The following C6orf132 variants were observed in gnomAD, a reference collection of about 807,000 sequenced individuals.
C6orf132 encodes the protein chromosome 6 open reading frame 132, also known as uncharacterized protein C6orf132.
In C6orf132, 43 loss-of-function variants were observed where a neutral mutation model predicts 65.3. The ratio of observed to expected loss-of-function variants is 0.66; its 90% CI spans 0.52 to 0.85. C6orf132 has a LOEUF of 0.85. Among genes scored for constraint, C6orf132 ranks in the 40% least tolerant of loss-of-function variants. The pLI is 0.00. For missense variants in C6orf132, 1,488 were observed against 1,548.8 expected, an observed-to-expected ratio of 0.96 and a Z score of 0.66; for synonymous variants, 631 against 654.1, an observed-to-expected ratio of 0.96 and a Z score of 0.54.
At position 42,142,433 on chromosome 6, in the gene C6orf132, C is replaced by G. The variant is rs9688934; in HGVS notation, c.12G>C (p.Lys4Asn). Residue 4 changes from lysine to asparagine, a missense_variant, in exon 1 of 5, where the codon AAG (lysine) becomes AAC (asparagine). Physicochemically the swap from Lys to Asn is moderately conservative, Grantham distance 94. Transcript: ENST00000341865. MKK[K>N]QTVQGTFSKL... ...TGCTGAAGGTGCCCTGCACCGTCTG[C>G]TTCTTTTTCATGCTGCCGCAGCCCG... The G allele has an allele frequency of 0.095, 146,325 of 1,543,700 alleles. 8,668 individuals are homozygous for G. The highest frequency in any genetic ancestry group is 0.27 in the African/African-American group (19,537 of 72,970).
intron 1 of C6orf132, among the ~76,000 whole-genome samples, chr6:42,138,883 T>A (rs1338337681): frequency 6.7e-5 from 2 of 29,760 alleles, no homozygotes; most frequent in Non-Finnish European, 9.1e-5. Context: ...ACACACACAC[T>A]CGTGTGGCCT....
At chr6:42,136,165 A>G (rs1766938875) in intron 1 of C6orf132, among the ~76,000 whole-genome samples, 2 of 150,018 alleles carry the variant, frequency 1.3e-5, no homozygotes, top group Non-Finnish European at 3.0e-5. Context: ...GCCATCCAAA[A>G]AAAAAAAAAA....
intron 2 of C6orf132, among the ~76,000 whole-genome samples, chr6:42,122,654 T>C (rs1271817974): frequency 2.0e-5 from 3 of 152,204 alleles, no homozygotes. Flanking sequence ...CTGCCTTGCC[T>C]GGCTCACCCT....
At position 42,110,225 on chromosome 6, in the gene C6orf132, CTTT is replaced by C; in HGVS notation, c.316_318del (p.Lys106del). On this transcript the variant is annotated inframe_deletion, in exon 3 of 5. Coordinates refer to ENST00000341865, the MANE Select transcript of C6orf132 (RefSeq NM_001164446.3). ...CCCAGGGTTCACTTACCTGTCACTT[CTTT>C]GTCTGCAAAATCATCTGGAACCGAG... 1 of 1,548,966 alleles carries C rather than the reference CTTT, an allele frequency of 6.5e-7. No homozygotes were observed. Among genetic ancestry groups the C allele is most frequent in the Non-Finnish European group, 8.7e-7 (1 of 1,146,002 alleles).
Position 42,106,038 on chromosome 6 carries a change from A to G in C6orf132, c.1874T>C (p.Leu625Pro). The change falls in exon 4 of 5, where the codon CTG becomes CCG. Residue 625 changes from leucine (L) to proline (P), a missense_variant. By Grantham distance (98) the Leu-to-Pro change is moderately conservative. Transcript: ENST00000341865. ...AKNLPPQSTT[L>P]LPTTSLQPKA... ...GGGCTGGAGTGATGTAGTTGGCAGCAGGGTGGTGGATTGAGGTGGCAGATT... is the reference window on the plus strand; with the variant it reads ...GGGCTGGAGTGATGTAGTTGGCAGCGGGGTGGTGGATTGAGGTGGCAGATT... 7 of 1,537,202 alleles carry G rather than the reference A, an allele frequency of 4.6e-6. No homozygotes were observed. The highest frequency in any genetic ancestry group is 6.1e-6 in the Non-Finnish European group (7 of 1,146,880).
chr6:42,104,721 T>G lies in C6orf132; in HGVS notation c.3191A>C (p.Lys1064Thr), dbSNP rs1464967360. ...FSGGGRSLIK[K>T]RLYVGEPHRG... ...GTGCGGCTCCCCGACGTACAGGCGC[T>G]TCTTTATGAGCGAGCGGCCCCCTCC... The change falls in exon 4 of 5, where the codon AAG becomes ACG. Residue 1064 changes from lysine to threonine, a missense_variant. Transcript: ENST00000341865. The surrounding 1 kb of genome is among the most constrained non-coding windows in gnomAD (Gnocchi z 4.1). The G allele has an allele frequency of 6.6e-7, 1 of 1,524,366 alleles. No individual in the cohort carries two copies. The highest frequency in any genetic ancestry group is 1.2e-5 in the South Asian group (1 of 83,138). The allele number at this position is 1,524,366 out of a possible 1,614,324, so 94.4% of individuals were successfully genotyped here. A position where few individuals can be genotyped will look rare whatever the true frequency, so the allele number is the denominator to read the frequency against.
chr6:42,125,796 G>A (rs111636716), intron 2 of C6orf132, among the ~76,000 whole-genome samples: 1 of 151,546 alleles, frequency 6.6e-6, no homozygotes, highest in African/African-American at 2.4e-5. Context: ...GGTCTGCCTG[G>A]GGTCTATGCA....
rs1164437341 is a variant in C6orf132 at position 42,104,423 on chromosome 6, C to A, written c.3449+40G>T. On this transcript the variant is annotated intron_variant, in intron 4 of 4. Transcript: ENST00000341865. This position sits in a 1 kb window ranked among gnomAD's most constrained non-coding sequence, Gnocchi z 4.1. ...TCCTTGGCCCTCGCCTGGCTTTCCA[C>A]CCCTCCTGGCTTCCCGCACCAGCCG... 5.7e-6 allele frequency: 7 copies of A among 1,229,172 alleles called. No homozygotes were observed. The East Asian group carries it at 9.5e-5, about 17-fold the overall frequency. The allele number at this position is 1,229,172 out of a possible 1,614,324, so 76.1% of individuals were successfully genotyped here.
chr6:42,107,763 C>G (rs992987722), intron 3 of C6orf132, among the ~76,000 whole-genome samples, 180 bp from the exon 4 acceptor site: 1 of 152,134 alleles, frequency 6.6e-6, no homozygotes, highest in African/African-American at 2.4e-5. Flanking sequence ...CTGGGGGTGT[C>G]CCCCCTTCTT....
chr6:42,112,513 A>T (rs1766510774), intron 2 of C6orf132, among the ~76,000 whole-genome samples: 1 of 152,230 alleles, frequency 6.6e-6, no homozygotes, highest in South Asian at 2.1e-4. Context: ...GGAAATGGTG[A>T]TAACAATACA....
At chr6:42,114,959 T>C (rs1229756124) in intron 2 of C6orf132, among the ~76,000 whole-genome samples, 1 of 150,984 alleles carries the variant, frequency 6.6e-6, no homozygotes, top group Admixed American at 6.6e-5. Flanking sequence ...TGAGCCAAGA[T>C]TGTGCCACTG....
At chr6:42,119,617 G>A (rs186529297) in intron 2 of C6orf132, among the ~76,000 whole-genome samples, 4 of 151,926 alleles carry the variant, frequency 2.6e-5, no homozygotes, top group African/African-American at 9.6e-5. Context: ...AAAGTGCTGA[G>A]ATTACAGGCG....
At chr6:42,117,240 C>T (rs1187577493) in intron 2 of C6orf132, among the ~76,000 whole-genome samples, 2 of 152,182 alleles carry the variant, frequency 1.3e-5, no homozygotes, top group Admixed American at 6.6e-5. Context: ...GTTCTGAGTA[C>T]TTCACATATA....
Position 42,106,234 on chromosome 6 carries a change from T to C in C6orf132, c.1678A>G (p.Thr560Ala). ...TTCCGGATCTGCCGCACACTGGGAG[T>C]TGGAGAGTCTTGGGGAATGTAGTCC... ...SVDYIPQDSPTPSVRQIRNEL... is the reference protein window; with the variant it reads ...SVDYIPQDSPAPSVRQIRNEL... Residue 560 changes from threonine to alanine, a missense_variant, in exon 4 of 5, where the codon ACT (threonine) becomes GCT (alanine). Thr to Ala is a moderately conservative substitution (Grantham distance 58, BLOSUM62 0). Transcript: ENST00000341865. 4 of 1,536,988 alleles carry C rather than the reference T, an allele frequency of 2.6e-6. No homozygotes were observed. The highest frequency in any genetic ancestry group is 3.5e-6 in the Non-Finnish European group (4 of 1,146,856).
Position 42,103,224 on chromosome 6 carries a change from C to G in C6orf132, c.*537G>C. ...GTCCCACCTCAATGCGGCTAGGAAC[C>G]CCAGGTGTCCACTCTTGCTTGGGAT... On this transcript the variant is annotated 3_prime_UTR_variant, in exon 5 of 5. Coordinates refer to ENST00000341865, the MANE Select transcript of C6orf132 (RefSeq NM_001164446.3). 2.5e-6 allele frequency: 1 copy of G among 398,680 alleles called. No homozygotes were observed. Among genetic ancestry groups the G allele is most frequent in the Non-Finnish European group, 4.4e-6 (1 of 226,122 alleles). The allele number at this position is 398,680 out of a possible 1,614,324, so 24.7% of individuals were successfully genotyped here.
rs1766424981 is a variant in C6orf132 at position 42,107,126 on chromosome 6, T to C, written c.786A>G (p.Val262=). ...CCTCTGCCTGCCTGCCATTCAGTGC[T>C]ACATCTGATTTCCACTTGGTGACAC... The part of the protein sequence containing the change: ...PGGVTKWKSD[V]ALNGRQAEAT... Residue 262 remains valine (V), a synonymous_variant, in exon 4 of 5, where the codon GTA becomes GTG. Coordinates refer to ENST00000341865, the MANE Select transcript of C6orf132 (RefSeq NM_001164446.3). 6.9e-7 allele frequency: 1 copy of C among 1,444,018 alleles called. No individual in the cohort carries two copies. The highest frequency in any genetic ancestry group is 1.4e-5 in the African/African-American group (1 of 68,976). 89.5% of individuals were successfully genotyped at this position (1,444,018 alleles called of 1,614,324 possible).
rs1766732267 is a variant in C6orf132 at position 42,124,189 on chromosome 6, T to A, written c.252+4483A>T. On this transcript the variant is annotated intron_variant, in intron 2 of 4. Coordinates refer to ENST00000341865, the MANE Select transcript of C6orf132 (RefSeq NM_001164446.3). The surrounding 1 kb of genome is among the most constrained non-coding windows in gnomAD (Gnocchi z 4.0). ...CCCAGCAGCAGAGCTGGGACTGGTG[T>A]CAGCTGCTGGAGTATTAGCCCCTGG... 6.6e-6 allele frequency among the ~76,000 whole-genome samples: 1 copy of A among 152,144 alleles called. No homozygotes were observed. Among genetic ancestry groups the A allele is most frequent in the South Asian group, 2.1e-4 (1 of 4,824 alleles).
At chr6:42,126,837 A>G (rs574793241) in intron 2 of C6orf132, 100 of 427,672 alleles carry the variant, frequency 2.3e-4, no homozygotes, top group Admixed American at 1.3e-3. Flanking sequence ...CAAGAATGAA[A>G]CTCAGTCTGC....
intron 1 of C6orf132, 47 bp downstream of exon 1, chr6:42,142,253 G>A: frequency 6.5e-7 from 1 of 1,530,728 alleles, no homozygotes; most frequent in Non-Finnish European, 8.8e-7. Context: ...CCCTGCCCCA[G>A]CGCCCTCCGT....
Sources: allele counts gnomAD v4.1 joint callset (sites outside exome capture counted in the v4.1 genomes callset), GRCh38; gene constraint gnomAD v4.1.1; non-coding constraint Gnocchi (gnomAD v3.1); transcripts MANE v1.5; gene names NCBI Gene and HGNC (gene_info 2026-07-23, HGNC 2026-07-21).